The following HPS3 variants were observed in gnomAD, a reference collection of about 807,000 sequenced individuals.
HPS3 encodes HPS3 biogenesis of lysosomal organelles complex 2 subunit 1.
Under a neutral mutation model 110.9 loss-of-function variants are expected in HPS3, and 79 were observed. The ratio of observed to expected loss-of-function variants is 0.71; its 90% CI spans 0.59 to 0.86. The LOEUF (loss-of-function observed/expected upper bound fraction) is 0.86. HPS3 is among the 40% of genes least tolerant of loss of function. The pLI is 0.00. For missense variants in HPS3, 1,197 were observed against 1,206.2 expected (o/e 0.99, Z 0.11); for synonymous variants, 428 against 451.0 (o/e 0.95, Z 0.65).
chr3:149,157,967 TATG>T (rs989049180), intron 9 of HPS3, among the ~76,000 whole-genome samples: 2 of 152,234 alleles, frequency 1.3e-5, no homozygotes, highest in Non-Finnish European at 2.9e-5. Context: ...TCCCACCATC[TATG>T]AGCCAGTTTA....
rs1724151031 is a variant in HPS3, at chr3:149,163,961, T to TA, written c.2589+13dup. The TA allele has an allele frequency of 8.1e-7, 1 of 1,241,670 alleles. No homozygotes were observed. Among genetic ancestry groups the TA allele is most frequent in the African/African-American group, 1.5e-5 (1 of 68,460 alleles). 76.9% of individuals were successfully genotyped at this position (1,241,670 alleles called of 1,614,324 possible). ...TTTCAAAATTACAGGTAAGTAAAAA[T>TA]ACCTCCTTTTCTTATGAAATTGCAT... is the stretch of plus-strand genomic sequence containing the variant. On this transcript the variant is annotated intron_variant, in intron 14 of 16. Coordinates refer to ENST00000296051, the MANE Select transcript of HPS3 (RefSeq NM_032383.5).
chr3:149,135,609 C>T (rs1722038771), intron 1 of HPS3, among the ~76,000 whole-genome samples: 1 of 152,144 alleles, frequency 6.6e-6, no homozygotes, highest in African/African-American at 2.4e-5. Flanking sequence ...TACCCAGTCT[C>T]AGGTATTTGC....
At chr3:149,137,707 C>T (rs985624011) in intron 1 of HPS3, among the ~76,000 whole-genome samples, 6 of 152,154 alleles carry the variant, frequency 3.9e-5, no homozygotes, top group African/African-American at 1.4e-4. Context: ...CTAAGTGATA[C>T]AAGCCTGATA....
intron 16 of HPS3, among the ~76,000 whole-genome samples, chr3:149,168,899 G>C (rs1330812267): frequency 6.6e-6 from 1 of 151,932 alleles, no homozygotes; most frequent in Admixed American, 6.6e-5. Context: ...TTACACCTCA[G>C]CATCATCATT....
Position 149,173,548 on chromosome 3 carries a change from C to CA in HPS3, c.*1332dup. 1 of 522,200 alleles carries CA rather than the reference C, an allele frequency of 1.9e-6. No individual in the cohort carries two copies. The highest frequency in any genetic ancestry group is 2.5e-5 in the South Asian group (1 of 39,248). 32.3% of individuals were successfully genotyped at this position (522,200 alleles called of 1,614,324 possible). ...TATAGTCTGTTGATCTTTCCATTTG[C>CA]AAAAAATTAATAGTTTTCCCCCACA... On this transcript the variant is annotated 3_prime_UTR_variant, in exon 17 of 17. Transcript: ENST00000296051.
chr3:149,173,683 C>CT lies in HPS3; in HGVS notation c.*1467dup. The CT allele has an allele frequency of 7.1e-7, 1 of 1,412,210 alleles. No individual in the cohort carries two copies. Among genetic ancestry groups the CT allele is most frequent in the Non-Finnish European group, 9.8e-7 (1 of 1,019,662 alleles). 87.5% of individuals were successfully genotyped at this position (1,412,210 alleles called of 1,614,324 possible). A position where few individuals can be genotyped will look rare whatever the true frequency, so the allele number is the denominator to read the frequency against. On this transcript the variant is annotated 3_prime_UTR_variant, in exon 17 of 17. Coordinates refer to ENST00000296051, the MANE Select transcript of HPS3 (RefSeq NM_032383.5). ...ATTGTTATGAATCATTGGTTTTTCT[C>CT]TTTTTTCCACTTATCACCAATTTAT...
intron 8 of HPS3, among the ~76,000 whole-genome samples, chr3:149,156,670 A>G (rs1463737030): frequency 6.6e-6 from 1 of 151,866 alleles, no homozygotes; most frequent in Non-Finnish European, 1.5e-5. Context: ...CTGGAGGCAC[A>G]TGCTGTTCAT....
At position 149,141,039 on chromosome 3, in the gene HPS3, G is replaced by A. The variant is rs1352036855; in HGVS notation, c.735G>A (p.Gln245=). ...AAGGCATCAGTAATGAAATTTCACAGCTTGAGTCAGATGATTTTGTCATCT... is the reference window on the plus strand; with the variant it reads ...AAGGCATCAGTAATGAAATTTCACAACTTGAGTCAGATGATTTTGTCATCT... The part of the protein sequence containing the change: ...TEEGISNEIS[Q]LESDDFVICQ... The change falls in exon 3 of 17, where the codon CAG becomes CAA. Residue 245 remains glutamine, a synonymous_variant. Coordinates refer to ENST00000296051, the MANE Select transcript of HPS3 (RefSeq NM_032383.5). 6.2e-7 allele frequency: 1 copy of A among 1,613,894 alleles called. No individual in the cohort carries two copies.
intron 16 of HPS3, among the ~76,000 whole-genome samples, chr3:149,170,034 T>A (rs142884254): frequency 6.6e-6 from 1 of 152,170 alleles, no homozygotes; most frequent in Non-Finnish European, 1.5e-5. Context: ...CAACCCTAAA[T>A]CAGGCCTAAT....
intron 7 of HPS3, among the ~76,000 whole-genome samples, chr3:149,154,502 G>C (rs1439246564): frequency 6.6e-6 from 1 of 152,170 alleles, no homozygotes; most frequent in Non-Finnish European, 1.5e-5. Flanking sequence ...AAAGCAGTTT[G>C]TAGTCTTGCA....
intron 4 of HPS3, 113 bp downstream of exon 4, chr3:149,141,493 G>C: frequency 1.2e-6 from 1 of 823,842 alleles, no homozygotes; most frequent in Non-Finnish European, 2.1e-6. Context: ...TCTTCCACTG[G>C]AGTCTCCTTG....
rs750615496 is a variant in HPS3 at position 149,163,889 on chromosome 3, C to T, written c.2529C>T (p.Val843=). ...HYGLIYPWVH[V]VISSDSLADK... is the part of the protein sequence containing the mutation. ...GCTTAATTTATCCATGGGTTCACGTCGTAATATCATCTGATTCTTTAGCTG... is the reference window on the plus strand; with the variant it reads ...GCTTAATTTATCCATGGGTTCACGTTGTAATATCATCTGATTCTTTAGCTG... Residue 843 remains valine (V), a synonymous_variant, in exon 14 of 17, where the codon GTC becomes GTT. Transcript: ENST00000296051. The T allele has an allele frequency of 3.8e-6, 6 of 1,585,996 alleles. No individual in the cohort carries two copies. The highest frequency in any genetic ancestry group is 5.2e-6 in the Non-Finnish European group (6 of 1,154,662).
rs149761854 is a variant in HPS3 at position 149,136,494 on chromosome 3, G to A, written c.218-3510G>A. Reference sequence around the variant, plus strand: ...TTCCCTTCTATCAGTTGGGGAAACAGCATTACTGGGCAAAGAACATAAACT... The same window carrying A: ...TTCCCTTCTATCAGTTGGGGAAACAACATTACTGGGCAAAGAACATAAACT... On this transcript the variant is annotated intron_variant, in intron 1 of 16. Transcript: ENST00000296051. 3.4e-3 allele frequency among the ~76,000 whole-genome samples: 518 copies of A among 152,276 alleles called. 2 individuals are homozygous for A. Among genetic ancestry groups the A allele is most frequent in the African/African-American group, 0.012 (503 of 41,540 alleles).
intron 15 of HPS3, 138 bp downstream of exon 15, chr3:149,167,378 G>A (rs1724530237): frequency 5.6e-6 from 4 of 711,572 alleles, no homozygotes; most frequent in East Asian, 2.7e-5. Context: ...GAGCATATAT[G>A]TTTAATATGT....
chr3:149,163,907 T>C lies in HPS3; in HGVS notation c.2547T>C (p.Ser849=), dbSNP rs1316587168. 1 of 1,578,776 alleles carries C rather than the reference T, an allele frequency of 6.3e-7. No individual in the cohort carries two copies. The highest frequency in any genetic ancestry group is 2.2e-5 in the East Asian group (1 of 44,554). The change falls in exon 14 of 17, where the codon TCT becomes TCC. Residue 849 remains serine, a synonymous_variant. Transcript: ENST00000296051. ...TTCACGTCGTAATATCATCTGATTC[T>C]TTAGCTGATAAAAATTATACAGAAG... ...PWVHVVISSD[S]LADKNYTEDL...
chr3:149,156,769 T>C (rs1179753184), intron 8 of HPS3, among the ~76,000 whole-genome samples: 7 of 152,188 alleles, frequency 4.6e-5, no homozygotes, highest in Non-Finnish European at 1.0e-4. Context: ...CCAATTATTA[T>C]ATTAGCTGTG....
chr3:149,162,526 T>A (rs1187771730), intron 12 of HPS3, 164 bp from the exon 13 acceptor site: 4 of 942,168 alleles, frequency 4.2e-6, no homozygotes, highest in Non-Finnish European at 6.7e-6. Flanking sequence ...TCCTAGAATC[T>A]GTTTCCTTTT....
At chr3:149,144,914 T>C (rs1722698555) in intron 4 of HPS3, among the ~76,000 whole-genome samples, 1 of 152,246 alleles carries the variant, frequency 6.6e-6, no homozygotes, top group Non-Finnish European at 1.5e-5. Context: ...GTTAATACAA[T>C]ATTATTAAAA....
intron 4 of HPS3, among the ~76,000 whole-genome samples, chr3:149,143,076 G>A (rs1230622740): frequency 2.6e-5 from 4 of 152,176 alleles, no homozygotes; most frequent in Non-Finnish European, 5.9e-5. Flanking sequence ...GTGAGACAGG[G>A]CTGGAGACCA....
Sources: allele counts gnomAD v4.1 joint callset (sites outside exome capture counted in the v4.1 genomes callset), GRCh38; gene constraint gnomAD v4.1.1; transcripts MANE v1.5; gene names NCBI Gene and HGNC (gene_info 2026-07-23, HGNC 2026-07-21).